The following MSH4 variants were observed in gnomAD, a reference collection of about 807,000 sequenced individuals.
The protein encoded by MSH4 is mutS homolog 4.
MSH4 carries 106 observed loss-of-function variants against 113.7 expected under a neutral mutation model. That is an observed-to-expected ratio of 0.93 (90% CI 0.80 to 1.10). The LOEUF is 1.10. Among genes scored for constraint, MSH4 ranks in the 50% least tolerant of loss-of-function variants. The probability of loss-of-function intolerance (pLI) is 0.00; values close to 1 mark genes in which losing one functional copy is unlikely to be tolerated. For synonymous variants in MSH4, 368 were observed against 380.2 expected, an observed-to-expected ratio of 0.97 and a Z score of 0.37; for missense variants, 1,061 against 1,093.7, an observed-to-expected ratio of 0.97 and a Z score of 0.42.
intron 14 of MSH4, 137 bp from the exon 15 acceptor site, chr1:75,883,483 AT>A: frequency 1.5e-6 from 1 of 660,730 alleles, no homozygotes; most frequent in Non-Finnish European, 2.5e-6. Context: ...GGGATTTGGG[AT>A]AATATAGTAC....
chr1:75,878,019 G>T, intron 10 of MSH4, 130 bp from the exon 11 acceptor site: 1 of 645,922 alleles, frequency 1.5e-6, no homozygotes, highest in Non-Finnish European at 2.6e-6. Context: ...TTAAATATTT[G>T]TTGCTTAATT....
chr1:75,910,334 C>G (rs745715325), intron 19 of MSH4, among the ~76,000 whole-genome samples: 1 of 151,980 alleles, frequency 6.6e-6, no homozygotes, highest in Non-Finnish European at 1.5e-5. Flanking sequence ...TTAATTCTGC[C>G]CTCTCTTGGC....
intron 7 of MSH4, among the ~76,000 whole-genome samples, chr1:75,823,415 A>G (rs941654964): frequency 3.9e-5 from 6 of 152,082 alleles, no homozygotes; most frequent in African/African-American, 1.4e-4. Context: ...TTTCTGGAGA[A>G]CTCACCCTAA....
At chr1:75,904,549 T>C (rs1361069005) in intron 19 of MSH4, among the ~76,000 whole-genome samples, 3 of 151,668 alleles carry the variant, frequency 2.0e-5, no homozygotes. Flanking sequence ...TCTTGTTCTG[T>C]TGCCTGGACT....
intron 3 of MSH4, among the ~76,000 whole-genome samples, chr1:75,809,588 T>C (rs768066408): frequency 1.1e-4 from 16 of 151,878 alleles, no homozygotes; most frequent in Non-Finnish European, 2.1e-4. Context: ...ACAGTTAATC[T>C]GTACCAGTGT....
intron 9 of MSH4, among the ~76,000 whole-genome samples, chr1:75,876,277 A>G (rs1439251607): frequency 6.6e-6 from 1 of 152,130 alleles, no homozygotes; most frequent in Admixed American, 6.5e-5. Context: ...TAGAATGTTT[A>G]TCTTTGGACA....
rs375824861 is a variant in MSH4 at position 75,883,601 on chromosome 1, A to G, written c.1907-20A>G. 1.8e-5 allele frequency: 29 copies of G among 1,588,550 alleles called. No individual in the cohort carries two copies. Among genetic ancestry groups the G allele is most frequent in the African/African-American group, 1.4e-4 (10 of 73,898 alleles). Reference sequence around the variant, plus strand: ...ACAAATATATTAATCTTTAAAAACCATTCTATTTTTTTTCTTAAGTTCGAC... The same window carrying G: ...ACAAATATATTAATCTTTAAAAACCGTTCTATTTTTTTTCTTAAGTTCGAC... On this transcript the variant is annotated intron_variant, in intron 14 of 19. Transcript: ENST00000263187.
At chr1:75,894,953 C>G (rs1414349985) in intron 17 of MSH4, among the ~76,000 whole-genome samples, 1 of 152,000 alleles carries the variant, frequency 6.6e-6, no homozygotes, top group Non-Finnish European at 1.5e-5. Flanking sequence ...ATTCATGGGT[C>G]CAGCAATCAA....
At chr1:75,884,974 T>C (rs954413992) in intron 15 of MSH4, among the ~76,000 whole-genome samples, 16 of 70,858 alleles carry the variant, frequency 2.3e-4, no homozygotes, top group Non-Finnish European at 4.7e-4. Flanking sequence ...TGTATATGTA[T>C]GTATGTATAT....
chr1:75,861,149 T>A (rs923979155), intron 8 of MSH4, among the ~76,000 whole-genome samples: 1 of 123,838 alleles, frequency 8.1e-6, no homozygotes, highest in African/African-American at 3.0e-5. Context: ...GTTATTCTAG[T>A]TAGCCATTCA....
chr1:75,909,845 C>T (rs1022316645), intron 19 of MSH4, among the ~76,000 whole-genome samples: 2 of 151,908 alleles, frequency 1.3e-5, no homozygotes, highest in African/African-American at 4.8e-5. Flanking sequence ...AGTTCTTGAA[C>T]CTCCCCTCCT....
intron 7 of MSH4, among the ~76,000 whole-genome samples, chr1:75,839,987 T>G (rs1042292285): frequency 6.8e-6 from 1 of 146,708 alleles, no homozygotes; most frequent in African/African-American, 2.5e-5. Flanking sequence ...TCACACCAGT[T>G]AGAATGGCAA....
At chr1:75,847,072 T>A (rs1007248507) in intron 7 of MSH4, among the ~76,000 whole-genome samples, 1 of 152,152 alleles carries the variant, frequency 6.6e-6, no homozygotes, top group African/African-American at 2.4e-5. Flanking sequence ...CAAGAGAGCA[T>A]GCATGCATAT....
rs768858246 is a variant in MSH4 at position 75,880,131 on chromosome 1, G to T, written c.1759G>T (p.Glu587Ter). The T allele has an allele frequency of 6.4e-7, 1 of 1,571,780 alleles. No individual in the cohort carries two copies. Among genetic ancestry groups the T allele is most frequent in the Middle Eastern group, 1.7e-4 (1 of 5,954 alleles). ...MNERCQESLR[E>*]IYHMTYMIVC... is the part of the protein sequence containing the mutation. ...TGAAAGATGCCAAGAATCTTTGAGA[G>T]AAATCTATCACATGACTTATATGTA... The change falls in exon 13 of 20, where the codon GAA becomes TAA. Residue 587 changes from glutamate to a stop codon, truncating the protein, a stop_gained. Transcript: ENST00000263187. LOFTEE classifies it high-confidence loss of function.
chr1:75,809,388 C>T lies in MSH4; in HGVS notation c.589-1309C>T, dbSNP rs372584768. ...ACCTTAATGATACTAGTATTGCATA[C>T]TAACTTCATCTGTAGGTATTTTATA... On this transcript the variant is annotated intron_variant, in intron 3 of 19. Transcript: ENST00000263187. Among the ~76,000 whole-genome samples, 60 of 151,848 alleles carry T rather than the reference C, an allele frequency of 4.0e-4. 1 individual carries two copies. Among genetic ancestry groups the T allele is most frequent in the African/African-American group, 1.4e-3 (59 of 41,382 alleles).
At chr1:75,889,218 C>T in intron 15 of MSH4, 33 bp from the exon 16 acceptor site, 1 of 961,956 alleles carries the variant, frequency 1.0e-6, no homozygotes, top group African/African-American at 1.7e-5. Flanking sequence ...TTTATAAACA[C>T]ATTTCAGTTT....
In MSH4 at chr1:75,876,930, T is replaced by G; in HGVS notation, c.1306-6T>G. The G allele has an allele frequency of 3.4e-6, 5 of 1,491,412 alleles. No individual in the cohort carries two copies. Among genetic ancestry groups the G allele is most frequent in the Non-Finnish European group, 4.5e-6 (5 of 1,104,612 alleles). The allele number at this position is 1,491,412 out of a possible 1,614,324, so 92.4% of individuals were successfully genotyped here. ...TCCTTAACTTTTTTATTTTATTCTT[T>G]AATAGATTGCTATGAAGAACTGTAA... On this transcript the variant is annotated splice_polypyrimidine_tract_variant and splice_region_variant and intron_variant, in intron 9 of 19. Coordinates refer to ENST00000263187, the MANE Select transcript of MSH4 (RefSeq NM_002440.4).
intron 17 of MSH4, among the ~76,000 whole-genome samples, chr1:75,897,262 C>T (rs1652405478): frequency 6.6e-6 from 1 of 152,108 alleles, no homozygotes; most frequent in Non-Finnish European, 1.5e-5. Flanking sequence ...TATTGGTTGA[C>T]AATTTTTCAG....
At chr1:75,895,940 A>T (rs1002297024) in intron 17 of MSH4, among the ~76,000 whole-genome samples, 6 of 152,144 alleles carry the variant, frequency 3.9e-5, no homozygotes, top group African/African-American at 1.4e-4. Flanking sequence ...TTATGTGTCA[A>T]CTTGGCAAGG....
Sources: gnomAD v4.1 joint callset for allele counts (sites outside exome capture counted in the v4.1 genomes callset) on GRCh38, gnomAD v4.1.1 for gene constraint, MANE v1.5 for transcripts, NCBI Gene and HGNC (gene_info 2026-07-23, HGNC 2026-07-21) for gene names.